ACER3: variants seen among roughly 807,000 people sequenced by gnomAD.
The protein encoded by ACER3 is alkCDase 3.
Under a neutral mutation model 48.9 loss-of-function variants are expected in ACER3, and 16 were observed. That is an observed-to-expected ratio of 0.33 (90% CI 0.22 to 0.50). ACER3 has a LOEUF of 0.50. Among genes scored for constraint, ACER3 ranks in the 20% least tolerant of loss-of-function variants. The pLI, the probability that ACER3 is intolerant of heterozygous loss-of-function variation, is 0.98. For missense variants in ACER3, 227 were observed against 326.0 expected (o/e 0.70, Z 2.34); for synonymous variants, 109 against 107.8 (o/e 1.01, Z -0.07).
intron 1 of ACER3, among the ~76,000 whole-genome samples, chr11:76,893,652 C>CA (rs984217362): frequency 6.6e-6 from 1 of 151,834 alleles, no homozygotes; most frequent in African/African-American, 2.4e-5. Context: ...GATCCTATCT[C>CA]AAAAAACAGA....
At chr11:76,954,590 G>GT (rs1947783918) in intron 2 of ACER3, among the ~76,000 whole-genome samples, 1 of 141,904 alleles carries the variant, frequency 7.0e-6, no homozygotes, top group African/African-American at 2.6e-5. Flanking sequence ...TGGTTTGGTT[G>GT]GTTTTTTTTT....
At chr11:76,918,391 A>G (rs1173822301) in intron 1 of ACER3, among the ~76,000 whole-genome samples, 1 of 151,992 alleles carries the variant, frequency 6.6e-6, no homozygotes, top group Non-Finnish European at 1.5e-5. Context: ...AGTGTACCCT[A>G]TAACTTTCTT....
At chr11:76,974,798 G>A (rs1056572743) in intron 3 of ACER3, among the ~76,000 whole-genome samples, 4 of 151,880 alleles carry the variant, frequency 2.6e-5, no homozygotes, top group Non-Finnish European at 5.9e-5. Context: ...TGAATTTTAT[G>A]GTATGTAAGT....
In ACER3 at chr11:76,998,800, G is replaced by A. The variant is rs200663793; in HGVS notation, c.476G>A (p.Arg159Gln). The part of the protein sequence containing the change: ...YGMLVFTLVL[R>Q]SIYIVTWVYP... ...ATGTTGGTCTTTACATTAGTACTTC[G>A]ATCTATTTATATTGTTACATGGTAA... The change falls in exon 7 of 11, where the codon CGA (arginine) becomes CAA (glutamine). Residue 159 changes from arginine to glutamine, a missense_variant. By Grantham distance (43) the Arg-to-Gln change is conservative. Around this residue, in one of 3 missense-constraint regions of ACER3, gnomAD observed 195 missense variants for 290.8 expected, o/e 0.67. Coordinates refer to ENST00000532485, the MANE Select transcript of ACER3 (RefSeq NM_018367.7). The A allele has an allele frequency of 2.5e-6, 4 of 1,596,182 alleles. No individual in the cohort carries two copies. Among genetic ancestry groups the A allele is most frequent in the Admixed American group, 1.8e-5 (1 of 56,382 alleles).
At position 77,023,396 on chromosome 11, in the gene ACER3, C is replaced by G; in HGVS notation, c.*3069C>G. On this transcript the variant is annotated 3_prime_UTR_variant, in exon 11 of 11. Transcript: ENST00000532485. ...ATAATGCATGAAAATCTTTAAATGC[C>G]TGCAAAAATTAAGTTCTGTTATAAT... is the stretch of plus-strand genomic sequence containing the variant. The G allele has an allele frequency of 2.7e-6, 1 of 372,878 alleles. No homozygotes were observed. Among genetic ancestry groups the G allele is most frequent in the Non-Finnish European group, 4.8e-6 (1 of 209,370 alleles). The allele number at this position is 372,878 out of a possible 1,614,324, so 23.1% of individuals were successfully genotyped here.
chr11:77,009,821 A>AAGAG (rs141987581), intron 7 of ACER3, among the ~76,000 whole-genome samples: 1 of 151,022 alleles, frequency 6.6e-6, no homozygotes, highest in Non-Finnish European at 1.5e-5. Flanking sequence ...AATAAAAAGA[A>AAGAG]AGAGAGAGAG....
chr11:76,928,695 C>T (rs61900089), intron 2 of ACER3, among the ~76,000 whole-genome samples: 1 of 152,110 alleles, frequency 6.6e-6, no homozygotes, highest in East Asian at 1.9e-4. Context: ...CCAGTTTCCC[C>T]AGCACCATTT....
chr11:76,924,495 C>G (rs1285064528), intron 1 of ACER3, among the ~76,000 whole-genome samples: 3 of 152,112 alleles, frequency 2.0e-5, no homozygotes, highest in African/African-American at 7.2e-5. Context: ...TTAGCCACTG[C>G]CCCTGGCCAG....
At chr11:76,942,127 ACTT>A (rs1203986912) in intron 2 of ACER3, among the ~76,000 whole-genome samples, 13 of 152,046 alleles carry the variant, frequency 8.6e-5, no homozygotes, top group Non-Finnish European at 1.3e-4. Context: ...GGCTACTTTG[ACTT>A]CTTCTTTTCC....
chr11:76,929,613 C>T lies in ACER3; in HGVS notation c.214+2946C>T, dbSNP rs186181058. ...GGCTGTGGGTCTGTCATAAATAGCT[C>T]TTATTATTTTGAGATATGTCCCATC... On this transcript the variant is annotated intron_variant, in intron 2 of 10. Coordinates refer to ENST00000532485, the MANE Select transcript of ACER3 (RefSeq NM_018367.7). 2.5e-3 allele frequency among the ~76,000 whole-genome samples: 385 copies of T among 152,246 alleles called. 2 individuals are homozygous for T. The highest frequency in any genetic ancestry group is 8.9e-3 in the African/African-American group (368 of 41,548).
At position 76,941,091 on chromosome 11, in the gene ACER3, G is replaced by A. The variant is rs1207942044; in HGVS notation, c.214+14424G>A. Among the ~76,000 whole-genome samples the A allele has an allele frequency of 4.0e-5, 6 of 151,792 alleles. No homozygotes were observed. The East Asian group carries it at 9.7e-4, about 24-fold the overall frequency. On this transcript the variant is annotated intron_variant, in intron 2 of 10. Coordinates refer to ENST00000532485, the MANE Select transcript of ACER3 (RefSeq NM_018367.7). ...AGGGAAGAGAAGGGGAGAAGAGAGAGGAACACAACTTTACCTGGAAACAGA... is the reference window on the plus strand; with the variant it reads ...AGGGAAGAGAAGGGGAGAAGAGAGAAGAACACAACTTTACCTGGAAACAGA...
chr11:76,977,479 A>G (rs1948471425), intron 4 of ACER3, among the ~76,000 whole-genome samples: 1 of 152,244 alleles, frequency 6.6e-6, no homozygotes, highest in African/African-American at 2.4e-5. Flanking sequence ...TGGGAACATT[A>G]GAGGAAAGCC....
In ACER3 at chr11:77,021,694, A is replaced by G. The variant is rs190086662; in HGVS notation, c.*1367A>G. On this transcript the variant is annotated 3_prime_UTR_variant, in exon 11 of 11. Coordinates refer to ENST00000532485, the MANE Select transcript of ACER3 (RefSeq NM_018367.7). Reference sequence around the variant, plus strand: ...TCCTGAGCTACAGTTTCAAAAGGAAAATCATTTTTTTCTTATGCAAAGATG... The same window carrying G: ...TCCTGAGCTACAGTTTCAAAAGGAAGATCATTTTTTTCTTATGCAAAGATG... 5.0e-4 allele frequency: 76 copies of G among 152,300 alleles called. No homozygotes were observed. Among genetic ancestry groups the G allele is most frequent in the Non-Finnish European group, 9.7e-4 (66 of 68,026 alleles). 9.4% of individuals were successfully genotyped at this position (152,300 alleles called of 1,614,324 possible). A position where few individuals can be genotyped will look rare whatever the true frequency, so the allele number is the denominator to read the frequency against.
intron 5 of ACER3, among the ~76,000 whole-genome samples, chr11:76,987,878 T>C (rs1325413428): frequency 6.6e-6 from 1 of 152,192 alleles, no homozygotes; most frequent in African/African-American, 2.4e-5. Flanking sequence ...AGGTCAAGGC[T>C]TCAGTGAGCC....
In ACER3 at chr11:76,996,849, C is replaced by A. The variant is rs546472204; in HGVS notation, c.439-1914C>A. On this transcript the variant is annotated intron_variant, in intron 6 of 10. Transcript: ENST00000532485. Reference sequence around the variant, plus strand: ...CAAGCAATTCTCGTGCCTCAGCCTCCCCTGTAGCTGGGATTACAAGCATCT... The same window carrying A: ...CAAGCAATTCTCGTGCCTCAGCCTCACCTGTAGCTGGGATTACAAGCATCT... 3.3e-5 allele frequency among the ~76,000 whole-genome samples: 5 copies of A among 151,956 alleles called. No homozygotes were observed. The South Asian group carries it at 1.0e-3, about 32-fold the overall frequency.
At chr11:77,018,205 G>A (rs1370556518) in intron 9 of ACER3, among the ~76,000 whole-genome samples, 1 of 152,088 alleles carries the variant, frequency 6.6e-6, no homozygotes, top group Non-Finnish European at 1.5e-5. Context: ...CTCCCAAAGT[G>A]CTGGGATTAC....
chr11:76,890,544 G>A (rs1406058931), intron 1 of ACER3, among the ~76,000 whole-genome samples: 3 of 152,100 alleles, frequency 2.0e-5, no homozygotes, highest in African/African-American at 4.8e-5. Flanking sequence ...TAACTAGTGC[G>A]CATATTGTTC....
intron 2 of ACER3, among the ~76,000 whole-genome samples, chr11:76,929,900 T>C (rs1361621000): frequency 2.6e-5 from 4 of 152,262 alleles, no homozygotes; most frequent in African/African-American, 7.2e-5. Flanking sequence ...TTTACATCGA[T>C]GTTCATCAGA....
intron 3 of ACER3, 36 bp from the exon 4 acceptor site, chr11:76,976,253 A>G: frequency 6.8e-7 from 1 of 1,465,550 alleles, no homozygotes; most frequent in Non-Finnish European, 9.5e-7. Flanking sequence ...CTGCTCCATG[A>G]TATTCAAGCC....
Sources: allele counts gnomAD v4.1 joint callset (sites outside exome capture counted in the v4.1 genomes callset), GRCh38; gene constraint gnomAD v4.1.1; regional missense constraint gnomAD v4.1.1; transcripts MANE v1.5; gene names NCBI Gene and HGNC (gene_info 2026-07-23, HGNC 2026-07-21).